Variants in ARHGAP28 observed in about 807,000 individuals in gnomAD.
ARHGAP28 encodes the protein Rho GTPase activating protein 28, also known as rho GTPase-activating protein 28.
In ARHGAP28, 56 loss-of-function variants were observed where a neutral mutation model predicts 90.7. That is an observed-to-expected ratio of 0.62 (90% CI 0.50 to 0.77). The LOEUF is 0.77. Ranked by LOEUF, ARHGAP28 falls within the 30% of genes least tolerant of loss-of-function variation. ARHGAP28 has a pLI of 0.00. For synonymous variants in ARHGAP28, 308 were observed against 323.3 expected (o/e 0.95, Z 0.51); for missense variants, 869 against 900.9 (o/e 0.96, Z 0.45).
chr18:6,859,722 T>C lies in ARHGAP28; in HGVS notation c.637-86T>C, dbSNP rs1288654822. On this transcript the variant is annotated intron_variant, in intron 4 of 17. Transcript: ENST00000383472. ...ATAATTGCATATATTGCCACACATA[T>C]CTCAGTATGAACACAGAGCAGAATA... 8 of 1,288,220 alleles carry C rather than the reference T, an allele frequency of 6.2e-6. No individual in the cohort carries two copies. The East Asian group carries it at 1.4e-4, about 23-fold the overall frequency. 79.8% of individuals were successfully genotyped at this position (1,288,220 alleles called of 1,614,324 possible). A position where few individuals can be genotyped will look rare whatever the true frequency, so the allele number is the denominator to read the frequency against.
At chr18:6,908,273 A>G (rs1288089301) in intron 16 of ARHGAP28, among the ~76,000 whole-genome samples, 1 of 151,894 alleles carries the variant, frequency 6.6e-6, no homozygotes, top group African/African-American at 2.4e-5. Flanking sequence ...GGGTAGCTGG[A>G]ACTACAGGCA....
Position 6,894,951 on chromosome 18 carries a change from A to G in ARHGAP28, c.1905+60A>G, listed in dbSNP as rs2143769372. On this transcript the variant is annotated intron_variant, in intron 15 of 17. Transcript: ENST00000383472. ...TCCCTATATAGTCTTCTCTGGCGAC[A>G]TCCACCACATTTATGTATAATGTTG... 5 of 1,445,454 alleles carry G rather than the reference A, an allele frequency of 3.5e-6. No homozygotes were observed. In the South Asian group the frequency reaches 5.7e-5, roughly 17 times the overall value. The allele number at this position is 1,445,454 out of a possible 1,614,324, so 89.5% of individuals were successfully genotyped here.
In ARHGAP28 at chr18:6,886,830, G is replaced by A. The variant is rs142904934; in HGVS notation, c.1454-327G>A. 3.9e-4 allele frequency among the ~76,000 whole-genome samples: 59 copies of A among 152,246 alleles called. No individual in the cohort carries two copies. In the East Asian group the frequency reaches 0.01, roughly 27 times the overall value. Reference sequence around the variant, plus strand: ...AGCAAGGTTTATTTTCTCTTGTATTGAGTGAGCTTCACTTCTATTTATAGT... The same window carrying A: ...AGCAAGGTTTATTTTCTCTTGTATTAAGTGAGCTTCACTTCTATTTATAGT... On this transcript the variant is annotated intron_variant, in intron 11 of 17. Coordinates refer to ENST00000383472, the MANE Select transcript of ARHGAP28 (RefSeq NM_001366230.1).
Position 6,851,251 on chromosome 18 carries a change from A to T in ARHGAP28, c.636+125A>T, listed in dbSNP as rs550686866. The T allele has an allele frequency of 4.5e-4, 364 of 804,260 alleles. 3 individuals are homozygous for T. Among genetic ancestry groups the T allele is most frequent in the Middle Eastern group, 1.8e-3 (7 of 3,908 alleles). 49.8% of individuals were successfully genotyped at this position (804,260 alleles called of 1,614,324 possible). A position where few individuals can be genotyped will look rare whatever the true frequency, so the allele number is the denominator to read the frequency against. On this transcript the variant is annotated intron_variant, in intron 4 of 17. Transcript: ENST00000383472. ...GCTGGACAACCACAGATTTCAACAC[A>T]CTTATCTACCTTAGGTGATTTTTAA... is the stretch of plus-strand genomic sequence containing the variant.
chr18:6,913,801 T>G lies in ARHGAP28; in HGVS notation c.*1647T>G, dbSNP rs2057411102. The G allele has an allele frequency of 6.6e-6, 1 of 152,250 alleles. No homozygotes were observed. The highest frequency in any genetic ancestry group is 2.1e-4 in the South Asian group (1 of 4,826). 9.4% of individuals were successfully genotyped at this position (152,250 alleles called of 1,614,324 possible). On this transcript the variant is annotated 3_prime_UTR_variant, in exon 18 of 18. Transcript: ENST00000383472. ...TTCTGTATAAGTTTATGTTTATTCC[T>G]ACATTTTATTCATTTTTAATGTATG...
intron 1 of ARHGAP28, among the ~76,000 whole-genome samples, chr18:6,730,382 G>A (rs977342807): frequency 6.6e-6 from 1 of 152,052 alleles, no homozygotes; most frequent in Non-Finnish European, 1.5e-5. Context: ...TTCAGTAACT[G>A]CATGCCTGGT....
At chr18:6,750,792 C>T (rs527454646) in intron 1 of ARHGAP28, among the ~76,000 whole-genome samples, 13 of 152,302 alleles carry the variant, frequency 8.5e-5, no homozygotes, top group Admixed American at 7.2e-4. Flanking sequence ...CAAATATCAC[C>T]AACACATGAA....
chr18:6,841,174 C>CACTG (rs1567966489), intron 3 of ARHGAP28, among the ~76,000 whole-genome samples: 1 of 81,906 alleles, frequency 1.2e-5, no homozygotes, highest in East Asian at 3.3e-4. Flanking sequence ...TCTCCTCTCT[C>CACTG]TCTCTCCTCT....
chr18:6,780,572 A>AG (rs2056316343), intron 1 of ARHGAP28, among the ~76,000 whole-genome samples: 1 of 152,080 alleles, frequency 6.6e-6, no homozygotes, highest in African/African-American at 2.4e-5. Flanking sequence ...ATAACATTTA[A>AG]GCAATGGAGG....
chr18:6,866,124 G>A (rs985841833), intron 5 of ARHGAP28, among the ~76,000 whole-genome samples: 1 of 152,082 alleles, frequency 6.6e-6, no homozygotes, highest in African/African-American at 2.4e-5. Flanking sequence ...CTCAGGTAAC[G>A]TTTATTGGCT....
chr18:6,839,457 C>T (rs994523371), intron 3 of ARHGAP28, among the ~76,000 whole-genome samples: 12 of 152,086 alleles, frequency 7.9e-5, no homozygotes, highest in Non-Finnish European at 1.0e-4. Flanking sequence ...CCACGCCTGG[C>T]TAATTTTGTT....
chr18:6,805,549 G>A (rs767349109), intron 1 of ARHGAP28, among the ~76,000 whole-genome samples: 14 of 132,722 alleles, frequency 1.1e-4, no homozygotes, highest in Admixed American at 2.5e-4. Context: ...GCAATGGCAC[G>A]ATCTCAGCTC....
chr18:6,759,865 T>C (rs2056144347), intron 1 of ARHGAP28, among the ~76,000 whole-genome samples: 1 of 152,182 alleles, frequency 6.6e-6, no homozygotes, highest in African/African-American at 2.4e-5. Context: ...GGTTGATTCC[T>C]TTTTCAGAAG....
intron 4 of ARHGAP28, among the ~76,000 whole-genome samples, chr18:6,858,149 CT>C (rs369267684): frequency 0.018 from 2,687 of 150,838 alleles, 85 homozygotes; most frequent in African/African-American, 0.062. Context: ...ATTTAGATCG[CT>C]TTTTTTTTGG....
chr18:6,803,314 A>G (rs1370998919), intron 1 of ARHGAP28, among the ~76,000 whole-genome samples: 1 of 152,062 alleles, frequency 6.6e-6, no homozygotes, highest in Non-Finnish European at 1.5e-5. Context: ...TTTGTCAAGT[A>G]CTTTTTTCCC....
At chr18:6,833,265 G>T (rs911431587) in intron 2 of ARHGAP28, among the ~76,000 whole-genome samples, 8 of 151,726 alleles carry the variant, frequency 5.3e-5, no homozygotes, top group Non-Finnish European at 1.0e-4. Context: ...AAAGCCATTC[G>T]CTGTATAATC....
intron 1 of ARHGAP28, among the ~76,000 whole-genome samples, chr18:6,749,374 C>A (rs1450865131): frequency 2.6e-5 from 4 of 152,134 alleles, no homozygotes; most frequent in Non-Finnish European, 5.9e-5. Flanking sequence ...GAGATATTTT[C>A]CTTTACCCAG....
intron 2 of ARHGAP28, among the ~76,000 whole-genome samples, chr18:6,827,217 A>G (rs1421976858): frequency 1.5e-3 from 232 of 151,962 alleles, no homozygotes; most frequent in Admixed American, 2.9e-3. Flanking sequence ...CCTCCCAGAC[A>G]GGGTGGTGGC....
Position 6,763,340 on chromosome 18 carries a change from C to T in ARHGAP28, c.122+33397C>T, listed in dbSNP as rs1483985625. 2.6e-5 allele frequency among the ~76,000 whole-genome samples: 4 copies of T among 152,142 alleles called. No homozygotes were observed. The East Asian group carries it at 7.7e-4, about 29-fold the overall frequency. On this transcript the variant is annotated intron_variant, in intron 1 of 17. Transcript: ENST00000383472. ...TCAAGTGATCCTCCCACCTCAGCTT[C>T]CCAAAGTGCTTGGATTACAAGTATG...
Sources: gnomAD v4.1 joint callset for allele counts (sites outside exome capture counted in the v4.1 genomes callset) on GRCh38, gnomAD v4.1.1 for gene constraint, MANE v1.5 for transcripts, NCBI Gene and HGNC (gene_info 2026-07-23, HGNC 2026-07-21) for gene names.